Variants in CHD7 observed in about 807,000 individuals in gnomAD.
CHD7 encodes the protein chromodomain helicase DNA binding protein 7.
CHD7 carries 24 observed loss-of-function variants against 307.3 expected under a neutral mutation model. That is an observed-to-expected ratio of 0.08 (90% CI 0.06 to 0.11). CHD7 has a LOEUF of 0.11. Among genes scored for constraint, CHD7 ranks in the 10% least tolerant of loss-of-function variants. CHD7 has a pLI of 1.00. For missense variants in CHD7, 3,106 were observed against 3,727.1 expected, an observed-to-expected ratio of 0.83 and a Z score of 4.34; for synonymous variants, 1,363 against 1,349.9, an observed-to-expected ratio of 1.01 and a Z score of -0.21.
intron 2 of CHD7, among the ~76,000 whole-genome samples, chr8:60,758,725 C>T (rs1473994345): frequency 6.6e-6 from 1 of 152,154 alleles, no homozygotes; most frequent in Non-Finnish European, 1.5e-5. Context: ...GCCCATTCAA[C>T]TCACAACTCT....
chr8:60,764,623 C>T (rs1810378986), intron 2 of CHD7, among the ~76,000 whole-genome samples: 1 of 152,048 alleles, frequency 6.6e-6, no homozygotes, highest in South Asian at 2.1e-4. Flanking sequence ...TCTATTCAGC[C>T]ATTCATTCAT....
intron 1 of CHD7, among the ~76,000 whole-genome samples, chr8:60,734,071 C>T (rs1808586845): frequency 6.6e-6 from 1 of 152,194 alleles, no homozygotes; most frequent in African/African-American, 2.4e-5. Context: ...GTTTATTTGT[C>T]AGACACAAAT....
rs1804805021 is a variant in CHD7 at position 60,837,846 on chromosome 8, C to T, written c.4353+11C>T. The T allele has an allele frequency of 6.2e-7, 1 of 1,603,070 alleles. No homozygotes were observed. ...AATGCTACCAATGGGGTAAAACCAC[C>T]CTTGCCCAAACCATTTATTTATTCT... On this transcript the variant is annotated intron_variant, in intron 18 of 37. Transcript: ENST00000423902.
chr8:60,860,963 C>G lies in CHD7; in HGVS notation c.7668C>G (p.Asn2556Lys). ...EEDIETPPTR[N>K]IPSPGQLDPD... ...ATATAGAGACCCCACCAACAAGAAA[C>G]ATTCCTTCTCCCGGACAGCTGGACC... Residue 2556 changes from asparagine to lysine, a missense_variant, in exon 35 of 38, where the codon AAC (asparagine) becomes AAG (lysine). By Grantham distance (94) the Asn-to-Lys change is moderately conservative. Coordinates refer to ENST00000423902, the MANE Select transcript of CHD7 (RefSeq NM_017780.4). 1 of 1,614,020 alleles carries G rather than the reference C, an allele frequency of 6.2e-7. No homozygotes were observed. The highest frequency in any genetic ancestry group is 8.5e-7 in the Non-Finnish European group (1 of 1,179,884).
At chr8:60,735,542 C>G (rs1808659792) in intron 1 of CHD7, among the ~76,000 whole-genome samples, 3 of 151,708 alleles carry the variant, frequency 2.0e-5, no homozygotes, top group Non-Finnish European at 4.4e-5. Flanking sequence ...TCCTAACATA[C>G]TGAAAATTAT....
rs78667447 is a variant in CHD7, at chr8:60,720,349, G to T, written c.-174-20910G>T. Reference sequence around the variant, plus strand: ...ACAGACTATGTTCATTTTAAATATGGTAAATGTTCCTGGATTGGCCCCAGA... The same window carrying T: ...ACAGACTATGTTCATTTTAAATATGTTAAATGTTCCTGGATTGGCCCCAGA... On this transcript the variant is annotated intron_variant, in intron 1 of 37. Coordinates refer to ENST00000423902, the MANE Select transcript of CHD7 (RefSeq NM_017780.4). Among the ~76,000 whole-genome samples, 1,176 of 152,266 alleles carry T rather than the reference G, an allele frequency of 7.7e-3. 12 individuals carry two copies. Among genetic ancestry groups the T allele is most frequent in the African/African-American group, 0.027 (1,115 of 41,556 alleles).
chr8:60,842,244 T>G (rs907029730), intron 21 of CHD7, among the ~76,000 whole-genome samples, 192 bp downstream of exon 21: 3 of 152,242 alleles, frequency 2.0e-5, no homozygotes, highest in African/African-American at 7.2e-5. Flanking sequence ...TTCAGATGCT[T>G]CTGGTTCAGA....
chr8:60,853,577 C>T (rs1805576716), intron 31 of CHD7, 77 bp downstream of exon 31: 2 of 1,148,614 alleles, frequency 1.7e-6, no homozygotes, highest in Non-Finnish European at 2.4e-6. Context: ...GGCAGCACGG[C>T]ACCTGCTCTT....
At chr8:60,751,847 C>A (rs1166592378) in intron 2 of CHD7, among the ~76,000 whole-genome samples, 2 of 152,134 alleles carry the variant, frequency 1.3e-5, no homozygotes, top group African/African-American at 4.8e-5. Context: ...GACAGCGTTG[C>A]ATTTAAAAAA....
At chr8:60,771,455 A>G (rs1810706344) in intron 2 of CHD7, among the ~76,000 whole-genome samples, 1 of 152,218 alleles carries the variant, frequency 6.6e-6, no homozygotes, top group African/African-American at 2.4e-5. Context: ...GTGGTATTTC[A>G]GTACTCATTA....
Position 60,742,082 on chromosome 8 carries a change from A to T in CHD7, c.650A>T (p.Gln217Leu). The T allele has an allele frequency of 6.2e-7, 1 of 1,613,976 alleles. No individual in the cohort carries two copies. The highest frequency in any genetic ancestry group is 1.3e-5 in the African/African-American group (1 of 75,046). Residue 217 changes from glutamine (Q) to leucine (L), a missense_variant, in exon 2 of 38, where the codon CAA becomes CTA. By Grantham distance (113) the Gln-to-Leu change is moderately radical. This residue lies in a region of CHD7 where 998 missense variants were observed against 1,004.5 expected (regional missense o/e 0.99). Coordinates refer to ENST00000423902, the MANE Select transcript of CHD7 (RefSeq NM_017780.4). ...AGGATGAGCCAGTTTTCCCAAGGCCAAGAGGGCCTCAATCAGGGAAATCCT... is the reference window on the plus strand; with the variant it reads ...AGGATGAGCCAGTTTTCCCAAGGCCTAGAGGGCCTCAATCAGGGAAATCCT... ...QQRMSQFSQG[Q>L]EGLNQGNPFI... is the part of the protein sequence containing the mutation.
At chr8:60,795,772 T>C (rs1257133412) in intron 4 of CHD7, among the ~76,000 whole-genome samples, 1 of 152,182 alleles carries the variant, frequency 6.6e-6, no homozygotes, top group Non-Finnish European at 1.5e-5. Flanking sequence ...CTTCACTGAT[T>C]GGACTGAGAA....
At chr8:60,689,771 A>C (rs1411848810) in intron 1 of CHD7, among the ~76,000 whole-genome samples, 3 of 152,236 alleles carry the variant, frequency 2.0e-5, no homozygotes, top group Admixed American at 2.0e-4. Context: ...TGAAAGACAC[A>C]TGCTCATTAC....
intron 19 of CHD7, among the ~76,000 whole-genome samples, chr8:60,839,357 AC>A (rs924984724): frequency 3.0e-4 from 46 of 152,264 alleles, no homozygotes; most frequent in African/African-American, 1.1e-3. Flanking sequence ...GGTTGTTTTT[AC>A]TATTGGCTAT....
At chr8:60,812,159 C>A (rs757271623) in intron 7 of CHD7, among the ~76,000 whole-genome samples, 1 of 151,926 alleles carries the variant, frequency 6.6e-6, no homozygotes, top group Non-Finnish European at 1.5e-5. Flanking sequence ...TCAGATTTAT[C>A]AATTTTTTCT....
At chr8:60,738,939 C>T (rs916508811) in intron 1 of CHD7, among the ~76,000 whole-genome samples, 1 of 152,178 alleles carries the variant, frequency 6.6e-6, no homozygotes, top group Non-Finnish European at 1.5e-5. Context: ...TATGGGTACT[C>T]TCAGGCAGGG....
At chr8:60,683,836 A>G (rs1275130995) in intron 1 of CHD7, among the ~76,000 whole-genome samples, 3 of 152,018 alleles carry the variant, frequency 2.0e-5, no homozygotes, top group African/African-American at 7.2e-5. Context: ...AGGCTTTAGA[A>G]TCCTACAGCA....
intron 6 of CHD7, among the ~76,000 whole-genome samples, chr8:60,806,279 C>T (rs1341639171): frequency 6.6e-6 from 1 of 152,040 alleles, no homozygotes; most frequent in Non-Finnish European, 1.5e-5. Context: ...AGGAGAATGG[C>T]GTGAACCTGC....
chr8:60,716,152 T>G (rs569035405), intron 1 of CHD7, among the ~76,000 whole-genome samples: 4 of 152,328 alleles, frequency 2.6e-5, no homozygotes, highest in Admixed American at 6.5e-5. Flanking sequence ...TTCTCTCCAC[T>G]TCTACCACCC....
Sources: allele counts gnomAD v4.1 joint callset (sites outside exome capture counted in the v4.1 genomes callset), GRCh38; gene constraint gnomAD v4.1.1; regional missense constraint gnomAD v4.1.1; transcripts MANE v1.5; gene names NCBI Gene and HGNC (gene_info 2026-07-23, HGNC 2026-07-21).